EYS: variants seen among roughly 807,000 people sequenced by gnomAD.
EYS encodes the protein protein eyes shut homolog.
Under a neutral mutation model 282.1 loss-of-function variants are expected in EYS, and 250 were observed. The observed-to-expected ratio is 0.89, with a 90% confidence interval of 0.80 to 0.98. The LOEUF is 0.98. Ranked by LOEUF, EYS falls within the 50% of genes least tolerant of loss-of-function variation. The pLI is 0.00. For synonymous variants in EYS, 1,355 were observed against 1,282.9 expected (o/e 1.06, Z -1.20); for missense variants, 4,016 against 3,709.0 (o/e 1.08, Z -2.15).
intron 2 of EYS, among the ~76,000 whole-genome samples, chr6:65,606,973 A>C (rs983223458): frequency 6.6e-6 from 1 of 151,812 alleles, no homozygotes; most frequent in African/African-American, 2.4e-5. Context: ...GAGTGAGTAG[A>C]ATATACAAAA....
intron 20 of EYS, among the ~76,000 whole-genome samples, chr6:64,822,057 C>T (rs1382659816): frequency 6.6e-6 from 1 of 152,006 alleles, no homozygotes. Flanking sequence ...TTTCTCTCTT[C>T]CCTGCTTACA....
chr6:64,930,556 A>G (rs1394386779), intron 15 of EYS, among the ~76,000 whole-genome samples: 2 of 151,980 alleles, frequency 1.3e-5, no homozygotes, highest in African/African-American at 4.8e-5. Flanking sequence ...TACATAAATA[A>G]TCACAAGTTT....
intron 29 of EYS, among the ~76,000 whole-genome samples, chr6:64,308,983 C>A (rs533661947): frequency 6.6e-6 from 1 of 150,924 alleles, no homozygotes; most frequent in South Asian, 2.1e-4. Context: ...AGATTTAATT[C>A]TTATTTTTAC....
chr6:65,298,739 T>A (rs1250642745), intron 11 of EYS, among the ~76,000 whole-genome samples: 1 of 151,126 alleles, frequency 6.6e-6, no homozygotes, highest in African/African-American at 2.4e-5. Flanking sequence ...TATATATATA[T>A]ATATTTAAAT....
At chr6:63,834,484 A>C (rs573844872) in intron 36 of EYS, among the ~76,000 whole-genome samples, 16 of 152,302 alleles carry the variant, frequency 1.1e-4, no homozygotes, top group African/African-American at 3.6e-4. Context: ...AGAGAAATGC[A>C]AATCAAAACC....
At chr6:64,023,863 G>C (rs945296152) in intron 33 of EYS, among the ~76,000 whole-genome samples, 1 of 152,198 alleles carries the variant, frequency 6.6e-6, no homozygotes, top group Non-Finnish European at 1.5e-5. Flanking sequence ...AGTGGGCCCC[G>C]CACTCGTAGT....
At chr6:64,125,192 CAA>C (rs1350823748) in intron 31 of EYS, among the ~76,000 whole-genome samples, 113 of 151,618 alleles carry the variant, frequency 7.5e-4, no homozygotes, top group African/African-American at 2.6e-3. Context: ...CTCTCTCTCT[CAA>C]GGAGTAATGA....
At chr6:65,508,834 G>A (rs1282866761) in intron 2 of EYS, among the ~76,000 whole-genome samples, 2 of 152,074 alleles carry the variant, frequency 1.3e-5, no homozygotes, top group Non-Finnish European at 2.9e-5. Context: ...TTAGAAAGAA[G>A]ATCTGGGTTC....
intron 12 of EYS, among the ~76,000 whole-genome samples, chr6:65,077,451 A>G (rs1022090850): frequency 6.6e-6 from 1 of 152,162 alleles, no homozygotes; most frequent in Non-Finnish European, 1.5e-5. Flanking sequence ...CTCTAGGTTT[A>G]TAATGAAATT....
At chr6:63,929,845 T>G (rs1764833647) in intron 35 of EYS, among the ~76,000 whole-genome samples, 1 of 152,208 alleles carries the variant, frequency 6.6e-6, no homozygotes, top group South Asian at 2.1e-4. Context: ...ATCAATCAAA[T>G]TCTGTTAATT....
At chr6:64,955,340 GA>G (rs535622927) in intron 14 of EYS, among the ~76,000 whole-genome samples, 2,329 of 150,814 alleles carry the variant, frequency 0.015, 57 homozygotes, top group African/African-American at 0.053. Context: ...TCAAAAAAAT[GA>G]AAAAAAAATT....
chr6:65,126,601 G>C (rs892829171), intron 12 of EYS, among the ~76,000 whole-genome samples: 4 of 152,146 alleles, frequency 2.6e-5, no homozygotes, highest in African/African-American at 9.7e-5. Context: ...CCACAGATAA[G>C]TTGGTGTAGG....
intron 5 of EYS, among the ~76,000 whole-genome samples, chr6:65,434,889 G>A (rs140800808): frequency 2.5e-3 from 378 of 151,418 alleles, no homozygotes; most frequent in African/African-American, 8.8e-3. Context: ...CTTTCTTTTC[G>A]TACCTTTATT....
intron 30 of EYS, among the ~76,000 whole-genome samples, chr6:64,274,978 A>G (rs993244051): frequency 6.6e-6 from 1 of 152,196 alleles, no homozygotes; most frequent in Admixed American, 6.5e-5. Flanking sequence ...TGTTTTCTTC[A>G]AGTTCTGTAT....
At chr6:65,246,362 G>A (rs531031244) in intron 12 of EYS, among the ~76,000 whole-genome samples, 2 of 152,050 alleles carry the variant, frequency 1.3e-5, no homozygotes, top group Non-Finnish European at 2.9e-5. Context: ...AAGACTGAAT[G>A]CAAATAAAAG....
chr6:64,154,936 C>T (rs1450271738), intron 31 of EYS, among the ~76,000 whole-genome samples: 1 of 152,044 alleles, frequency 6.6e-6, no homozygotes, highest in African/African-American at 2.4e-5. Flanking sequence ...GATAGTTTTC[C>T]AATCACAGCC....
In EYS at chr6:63,720,968, T is replaced by G; in HGVS notation, c.9063A>C (p.Ala3021=). Residue 3021 remains alanine, a synonymous_variant, in exon 43 of 43, where the codon GCA becomes GCC. Transcript: ENST00000503581. Reference sequence around the variant, plus strand: ...CAGAGATTCTTTCTCCCAAGTTAACTGCTATTTTCAAGGTCTGATTATGGA... The same window carrying G: ...CAGAGATTCTTTCTCCCAAGTTAACGGCTATTTTCAAGGTCTGATTATGGA... ...IGLHNQTLKI[A]VNLGERISVP... The G allele has an allele frequency of 1.9e-6, 3 of 1,551,408 alleles. No individual in the cohort carries two copies. Among genetic ancestry groups the G allele is most frequent in the Non-Finnish European group, 1.7e-6 (2 of 1,146,808 alleles).
chr6:64,457,351 A>T (rs1051173691), intron 26 of EYS, among the ~76,000 whole-genome samples: 1 of 151,900 alleles, frequency 6.6e-6, no homozygotes, highest in African/African-American at 2.4e-5. Context: ...GTTAAATAAA[A>T]TTTTCTGTAT....
intron 36 of EYS, among the ~76,000 whole-genome samples, chr6:63,852,899 C>T (rs924988608): frequency 2.0e-5 from 3 of 152,140 alleles, no homozygotes; most frequent in African/African-American, 4.8e-5. Context: ...ATTATCCCTA[C>T]AGATGCAGAA....
Sources: gnomAD v4.1 joint callset for allele counts (sites outside exome capture counted in the v4.1 genomes callset) on GRCh38, gnomAD v4.1.1 for gene constraint, MANE v1.5 for transcripts, NCBI Gene and HGNC (gene_info 2026-07-23, HGNC 2026-07-21) for gene names.